Variants in ALDH1A2 observed in about 807,000 individuals in gnomAD.
ALDH1A2 encodes aldehyde dehydrogenase 1 family member A2, also known as retinal dehydrogenase 2.
ALDH1A2 carries 27 observed loss-of-function variants against 60.3 expected under a neutral mutation model. The observed-to-expected ratio is 0.45, with a 90% CI of 0.33 to 0.62. ALDH1A2 has a LOEUF of 0.62. Ranked by LOEUF, ALDH1A2 falls within the 20% of genes least tolerant of loss-of-function variation. The probability of loss-of-function intolerance (pLI) is 0.02; values close to 1 mark genes in which losing one functional copy is unlikely to be tolerated. For missense variants in ALDH1A2, 581 were observed against 643.8 expected, an observed-to-expected ratio of 0.90 and a Z score of 1.06; for synonymous variants, 289 against 232.4, an observed-to-expected ratio of 1.24 and a Z score of -2.21.
chr15:57,958,858 AGTGGGTCTCAT>A (rs1893629929), intron 12 of ALDH1A2, among the ~76,000 whole-genome samples: 1 of 152,220 alleles, frequency 6.6e-6, no homozygotes, highest in South Asian at 2.1e-4. Context: ...GACAAGATGC[AGTGGGTCTCAT>A]CAAAGAACAG....
At chr15:57,958,649 C>T (rs947262773) in intron 12 of ALDH1A2, among the ~76,000 whole-genome samples, 6 of 152,108 alleles carry the variant, frequency 3.9e-5, no homozygotes, top group Non-Finnish European at 8.8e-5. Flanking sequence ...GTTTGCAGGC[C>T]ATGAGATAAA....
At chr15:57,996,599 T>TA (rs1895073664) in intron 4 of ALDH1A2, among the ~76,000 whole-genome samples, 1 of 151,708 alleles carries the variant, frequency 6.6e-6, no homozygotes, top group African/African-American at 2.4e-5. Context: ...TAAACCCTCC[T>TA]ACTAAGGGAC....
intron 7 of ALDH1A2, among the ~76,000 whole-genome samples, chr15:57,974,530 G>A (rs1298358531): frequency 1.3e-5 from 2 of 151,862 alleles, no homozygotes; most frequent in African/African-American, 4.8e-5. Flanking sequence ...TTCAGTGGAG[G>A]CAGGGTAGTC....
chr15:57,977,578 T>G (rs2140469675), intron 7 of ALDH1A2, among the ~76,000 whole-genome samples: 1 of 152,344 alleles, frequency 6.6e-6, no homozygotes, highest in Admixed American at 6.5e-5. Context: ...TATGTATATC[T>G]GTGTTTGTAC....
At chr15:57,977,430 G>C (rs551790445) in intron 7 of ALDH1A2, among the ~76,000 whole-genome samples, 1 of 152,308 alleles carries the variant, frequency 6.6e-6, no homozygotes, top group East Asian at 1.9e-4. Context: ...TAAGGTGTAA[G>C]TAAGGGGTCC....
At chr15:58,004,081 A>T (rs1485358514) in intron 4 of ALDH1A2, among the ~76,000 whole-genome samples, 1 of 151,862 alleles carries the variant, frequency 6.6e-6, no homozygotes, top group African/African-American at 2.4e-5. Flanking sequence ...CAATTCAGAG[A>T]GAGAAGCAGC....
intron 1 of ALDH1A2, among the ~76,000 whole-genome samples, chr15:58,015,765 C>T (rs1895772635): frequency 6.6e-6 from 1 of 152,150 alleles, no homozygotes; most frequent in African/African-American, 2.4e-5. Flanking sequence ...GTGGCTGACT[C>T]AACAATGTGT....
chr15:57,991,148 G>A (rs1271869182), intron 7 of ALDH1A2, among the ~76,000 whole-genome samples: 1 of 152,050 alleles, frequency 6.6e-6, no homozygotes, highest in African/African-American at 2.4e-5. Context: ...AGCAATTCCA[G>A]GTGCCCATTC....
At chr15:57,963,805 G>T in intron 9 of ALDH1A2, 80 bp downstream of exon 9, 1 of 1,466,156 alleles carries the variant, frequency 6.8e-7, no homozygotes, top group Non-Finnish European at 9.5e-7. Flanking sequence ...ATGTCGCTTT[G>T]CTGGGACCTA....
chr15:58,014,541 TAG>T lies in ALDH1A2; in HGVS notation c.118-262_118-261del, dbSNP rs767819799. On this transcript the variant is annotated intron_variant, in intron 1 of 12. Transcript: ENST00000249750. ...AACTAACTAAAGATACAAATAAGGATAGAGTGTCTCACATACATACAATCATA... is the reference window on the plus strand; with the variant it reads ...AACTAACTAAAGATACAAATAAGGATAGTGTCTCACATACATACAATCATA... 2.1e-4 allele frequency: 112 copies of T among 522,496 alleles called. 1 individual carries two copies. In the East Asian group the frequency reaches 5.4e-3, roughly 25 times the overall value. 32.4% of individuals were successfully genotyped at this position (522,496 alleles called of 1,614,324 possible). A position where few individuals can be genotyped will look rare whatever the true frequency, so the allele number is the denominator to read the frequency against.
At position 58,059,241 on chromosome 15, in the gene ALDH1A2, T is replaced by C. The variant is rs1298771246; in HGVS notation, c.117+6293A>G. Among the ~76,000 whole-genome samples the C allele has an allele frequency of 1.5e-4, 23 of 152,178 alleles. 1 individual carries two copies. Among genetic ancestry groups the C allele is most frequent in the Non-Finnish European group, 1.5e-5 (1 of 68,030 alleles). Reference sequence around the variant, plus strand: ...ATTAACCCAGGTGACATTACAGCAATCACCTCTACGTGAATTAGATTTGCT... The same window carrying C: ...ATTAACCCAGGTGACATTACAGCAACCACCTCTACGTGAATTAGATTTGCT... On this transcript the variant is annotated intron_variant, in intron 1 of 12. Transcript: ENST00000249750.
At position 57,954,240 on chromosome 15, in the gene ALDH1A2, C is replaced by A. The variant is rs1266150512; in HGVS notation, c.*957G>T. 2 of 152,310 alleles carry A rather than the reference C, an allele frequency of 1.3e-5. No individual in the cohort carries two copies. The highest frequency in any genetic ancestry group is 1.3e-4 in the Admixed American group (2 of 15,280). 9.4% of individuals were successfully genotyped at this position (152,310 alleles called of 1,614,324 possible). A position where few individuals can be genotyped will look rare whatever the true frequency, so the allele number is the denominator to read the frequency against. The stretch of plus-strand genomic sequence containing the variant: ...GTAGAGGTTCAGAAGGTACAGATTC[C>A]AACTACAGAAATAATTCATTTAATA... On this transcript the variant is annotated 3_prime_UTR_variant, in exon 13 of 13. Transcript: ENST00000249750.
intron 7 of ALDH1A2, among the ~76,000 whole-genome samples, chr15:57,970,614 G>A (rs1360343506): frequency 6.6e-6 from 1 of 152,158 alleles, no homozygotes; most frequent in Non-Finnish European, 1.5e-5. Flanking sequence ...GTTGCTCCCT[G>A]AACACAGTTT....
intron 8 of ALDH1A2, chr15:57,964,923 G>A (rs1566930198): frequency 6.6e-6 from 1 of 152,156 alleles, no homozygotes; most frequent in Non-Finnish European, 1.5e-5. Flanking sequence ...ATTCCAAGCT[G>A]GTGCTGAAAT....
At chr15:57,963,737 G>C in intron 9 of ALDH1A2, 148 bp downstream of exon 9, 1 of 770,840 alleles carries the variant, frequency 1.3e-6, no homozygotes, top group South Asian at 1.8e-5. Context: ...TCCCTCTCTG[G>C]CTCCATTTCC....
At chr15:57,973,388 GCTT>G (rs531988953) in intron 7 of ALDH1A2, among the ~76,000 whole-genome samples, 215 of 152,206 alleles carry the variant, frequency 1.4e-3, no homozygotes, top group African/African-American at 4.9e-3. Context: ...CCTCAAATAA[GCTT>G]CTTCTTGTTA....
At chr15:58,040,902 G>C (rs373406835) in intron 1 of ALDH1A2, among the ~76,000 whole-genome samples, 3 of 151,780 alleles carry the variant, frequency 2.0e-5, no homozygotes, top group Admixed American at 1.3e-4. Flanking sequence ...TATAGATTAG[G>C]AAAGTCAGGC....
intron 4 of ALDH1A2, among the ~76,000 whole-genome samples, chr15:58,005,059 C>T (rs554404154): frequency 6.6e-6 from 1 of 151,970 alleles, no homozygotes; most frequent in Admixed American, 6.6e-5. Context: ...ATAAAACTTG[C>T]AGCATGGCTG....
chr15:58,054,055 T>C (rs752649082), intron 1 of ALDH1A2, among the ~76,000 whole-genome samples: 5 of 152,166 alleles, frequency 3.3e-5, no homozygotes, highest in African/African-American at 7.2e-5. Flanking sequence ...TCCAGGTTCA[T>C]TGCTTCTGGT....
Sources: allele counts gnomAD v4.1 joint callset (sites outside exome capture counted in the v4.1 genomes callset), GRCh38; gene constraint gnomAD v4.1.1; transcripts MANE v1.5; gene names NCBI Gene and HGNC (gene_info 2026-07-23, HGNC 2026-07-21).